SORCS1: variants seen among roughly 807,000 people sequenced by gnomAD.
The protein encoded by SORCS1 is VPS10 domain-containing receptor SorCS1.
SORCS1 carries 60 observed loss-of-function variants against 146.1 expected under a neutral mutation model. That is an observed-to-expected ratio of 0.41 (90% CI 0.33 to 0.51). The LOEUF is 0.51. Ranked by LOEUF, SORCS1 falls within the 20% of genes least tolerant of loss-of-function variation. The probability of loss-of-function intolerance (pLI) is 0.21; values close to 1 mark genes in which losing one functional copy is unlikely to be tolerated. For synonymous variants in SORCS1, 637 were observed against 584.0 expected (o/e 1.09, Z -1.31); for missense variants, 1,352 against 1,487.6 (o/e 0.91, Z 1.50).
At chr10:106,800,066 T>C (rs1946785125) in intron 3 of SORCS1, among the ~76,000 whole-genome samples, 1 of 152,154 alleles carries the variant, frequency 6.6e-6, no homozygotes, top group African/African-American at 2.4e-5. Flanking sequence ...GGAGTCAGAA[T>C]TGTCTGCCTG....
chr10:106,962,710 G>T (rs928892260), intron 1 of SORCS1, among the ~76,000 whole-genome samples: 1 of 152,160 alleles, frequency 6.6e-6, no homozygotes, highest in Non-Finnish European at 1.5e-5. Context: ...GGCATGGGCT[G>T]GTGCTTCGTG....
chr10:106,664,913 C>T (rs918764934), intron 17 of SORCS1, among the ~76,000 whole-genome samples: 3 of 152,118 alleles, frequency 2.0e-5, no homozygotes, highest in Admixed American at 6.5e-5. Flanking sequence ...AATAAAACTC[C>T]TGTCTTTTGC....
At chr10:107,031,621 G>T (rs1467337123) in intron 1 of SORCS1, among the ~76,000 whole-genome samples, 12 of 151,478 alleles carry the variant, frequency 7.9e-5, no homozygotes, top group Non-Finnish European at 1.6e-4. Context: ...TTTGGTGGGG[G>T]GGAATAGGGT....
intron 18 of SORCS1, among the ~76,000 whole-genome samples, chr10:106,630,053 GAAAC>G (rs1000448689): frequency 1.1e-4 from 16 of 152,022 alleles, no homozygotes; most frequent in Non-Finnish European, 1.9e-4. Context: ...CAGAAACAAA[GAAAC>G]AAACAAACAA....
intron 6 of SORCS1, among the ~76,000 whole-genome samples, chr10:106,711,382 A>T (rs1854976208): frequency 6.6e-6 from 1 of 152,200 alleles, no homozygotes; most frequent in African/African-American, 2.4e-5. Context: ...TAGTATGTAG[A>T]GATAGATAAG....
intron 1 of SORCS1, among the ~76,000 whole-genome samples, chr10:107,004,853 A>ATG (rs774351448): frequency 3.3e-5 from 5 of 152,078 alleles, no homozygotes; most frequent in Admixed American, 6.5e-5. Flanking sequence ...ATATGCTGGT[A>ATG]TGTGTGTGTG....
chr10:106,883,956 A>C (rs1246773141), intron 2 of SORCS1, among the ~76,000 whole-genome samples: 1 of 152,174 alleles, frequency 6.6e-6, no homozygotes. Flanking sequence ...CCATAGCTAG[A>C]GTTCTGAGCC....
chr10:106,678,161 C>T (rs1400172746), intron 12 of SORCS1, among the ~76,000 whole-genome samples: 1 of 152,200 alleles, frequency 6.6e-6, no homozygotes, highest in Non-Finnish European at 1.5e-5. Context: ...AGACAATCTT[C>T]TTCCAATTTG....
At chr10:106,761,404 T>A (rs1859098909) in intron 5 of SORCS1, among the ~76,000 whole-genome samples, 184 bp downstream of exon 5, 1 of 152,240 alleles carries the variant, frequency 6.6e-6, no homozygotes, top group Middle Eastern at 3.2e-3. Context: ...ACACATTTTT[T>A]AACATTCTCT....
chr10:107,090,919 TAC>T (rs10569833), intron 1 of SORCS1, among the ~76,000 whole-genome samples: 41,130 of 149,042 alleles, frequency 0.28, 5,583 homozygotes, highest in Middle Eastern at 0.43. Context: ...TATTCTAAAG[TAC>T]ACACACACAC....
intron 5 of SORCS1, among the ~76,000 whole-genome samples, chr10:106,756,375 G>A (rs1407589519): frequency 6.6e-6 from 1 of 152,072 alleles, no homozygotes; most frequent in Non-Finnish European, 1.5e-5. Flanking sequence ...TTATTTTACA[G>A]GGGAAAAAAC....
At chr10:106,830,877 C>A (rs917390646) in intron 2 of SORCS1, among the ~76,000 whole-genome samples, 1 of 150,674 alleles carries the variant, frequency 6.6e-6, no homozygotes, top group Admixed American at 6.6e-5. Flanking sequence ...GCCTGGACCA[C>A]AGAGCAAGAC....
intron 2 of SORCS1, among the ~76,000 whole-genome samples, chr10:106,890,615 G>A (rs1040319786): frequency 6.6e-6 from 1 of 152,114 alleles, no homozygotes; most frequent in African/African-American, 2.4e-5. Context: ...AAATCAGTGG[G>A]CTACTAGGGG....
intron 1 of SORCS1, among the ~76,000 whole-genome samples, chr10:107,130,936 T>C (rs1478498846): frequency 6.6e-6 from 1 of 152,158 alleles, no homozygotes; most frequent in Non-Finnish European, 1.5e-5. Flanking sequence ...CATTAAGCAA[T>C]AACTCCACGT....
intron 1 of SORCS1, among the ~76,000 whole-genome samples, chr10:106,986,048 C>T (rs1589854900): frequency 6.6e-6 from 1 of 151,926 alleles, no homozygotes; most frequent in Admixed American, 6.6e-5. Flanking sequence ...TAAGAATCAA[C>T]CTCATATTAG....
chr10:107,173,100 C>G, the SORCS1 span, among the ~76,000 whole-genome samples: 1 of 152,172 alleles, frequency 6.6e-6, no homozygotes. Flanking sequence ...TCTCAGTCAA[C>G]AATACCTATG....
At chr10:106,752,084 T>C (rs1351180057) in intron 5 of SORCS1, among the ~76,000 whole-genome samples, 2 of 152,210 alleles carry the variant, frequency 1.3e-5, no homozygotes, top group Non-Finnish European at 2.9e-5. Flanking sequence ...GGTGAAATTG[T>C]TTCTTGGAAT....
intron 2 of SORCS1, among the ~76,000 whole-genome samples, chr10:106,941,764 G>A (rs896310452): frequency 2.0e-5 from 3 of 152,162 alleles, no homozygotes; most frequent in African/African-American, 7.2e-5. Flanking sequence ...AAGGAGCAGG[G>A]TAAAAAATGG....
intron 1 of SORCS1, among the ~76,000 whole-genome samples, chr10:106,968,172 T>C (rs1455677157): frequency 6.6e-6 from 1 of 151,844 alleles, no homozygotes; most frequent in Admixed American, 6.6e-5. Flanking sequence ...ATCGCGCCAC[T>C]GCACTCCAGC....
Sources: gnomAD v4.1 joint callset for allele counts (sites outside exome capture counted in the v4.1 genomes callset) on GRCh38, gnomAD v4.1.1 for gene constraint, MANE v1.5 for transcripts, NCBI Gene and HGNC (gene_info 2026-07-23, HGNC 2026-07-21) for gene names.